The following ATP8B1 variants were observed in gnomAD, a reference collection of about 807,000 sequenced individuals.
ATP8B1 encodes ATPase phospholipid transporting 8B1.
ATP8B1 carries 80 observed loss-of-function variants against 149.9 expected under a neutral mutation model. The observed-to-expected ratio is 0.53, with a 90% CI of 0.45 to 0.64. ATP8B1 has a LOEUF of 0.64. ATP8B1 is among the 30% of genes least tolerant of loss of function. The probability of loss-of-function intolerance (pLI) is 0.00; values close to 1 mark genes in which losing one functional copy is unlikely to be tolerated. For synonymous variants in ATP8B1, 536 were observed against 562.8 expected, an observed-to-expected ratio of 0.95 and a Z score of 0.67; for missense variants, 1,247 against 1,552.6, an observed-to-expected ratio of 0.80 and a Z score of 3.31.
rs765641987 is a variant in ATP8B1, at chr18:57,688,410, T to C, written c.1318A>G (p.Thr440Ala). Reference protein sequence around the residue: ...KDTPAKARTTTLNEQLGQIHY... With the variant: ...KDTPAKARTTALNEQLGQIHY... ...ATCTGCCCGAGCTGTTCATTGAGTGTGGTGGTTCTAGCTTTTGCGGGTGTG... is the reference window on the plus strand; with the variant it reads ...ATCTGCCCGAGCTGTTCATTGAGTGCGGTGGTTCTAGCTTTTGCGGGTGTG... Residue 440 changes from threonine to alanine, a missense_variant, in exon 13 of 28, where the codon ACA (threonine) becomes GCA (alanine). Thr to Ala is a moderately conservative substitution (Grantham distance 58, BLOSUM62 0). This residue lies in a region of ATP8B1 where 853 missense variants were observed against 1,035.7 expected (regional missense o/e 0.82). Coordinates refer to ENST00000648908, the MANE Select transcript of ATP8B1 (RefSeq NM_001374385.1). 6.2e-7 allele frequency: 1 copy of C among 1,614,198 alleles called. No individual in the cohort carries two copies. Among genetic ancestry groups the C allele is most frequent in the Admixed American group, 1.7e-5 (1 of 60,020 alleles).
At chr18:57,663,920 C>G (rs948322969) in intron 20 of ATP8B1, among the ~76,000 whole-genome samples, 1 of 151,666 alleles carries the variant, frequency 6.6e-6, no homozygotes, top group African/African-American at 2.4e-5. Flanking sequence ...ACGGGCACCA[C>G]CATGCCCAGC....
At chr18:57,682,251 G>A (rs1049474879) in intron 15 of ATP8B1, among the ~76,000 whole-genome samples, 6 of 152,058 alleles carry the variant, frequency 3.9e-5, no homozygotes, top group Admixed American at 2.0e-4. Flanking sequence ...TGATCTGCCC[G>A]CCTCGGCCTC....
chr18:57,721,337 G>A (rs1178627362), intron 2 of ATP8B1, among the ~76,000 whole-genome samples: 7 of 149,318 alleles, frequency 4.7e-5, no homozygotes, highest in Middle Eastern at 3.4e-3. Context: ...TCAGTGTGCT[G>A]TATTCAGGAA....
intron 13 of ATP8B1, among the ~76,000 whole-genome samples, chr18:57,686,984 T>C (rs1380753584): frequency 6.6e-6 from 1 of 152,166 alleles, no homozygotes; most frequent in Non-Finnish European, 1.5e-5. Flanking sequence ...GCTGGAACTA[T>C]AGGCATGCAG....
chr18:57,691,544 A>G (rs1912529962), intron 12 of ATP8B1, among the ~76,000 whole-genome samples: 1 of 152,148 alleles, frequency 6.6e-6, no homozygotes, highest in Admixed American at 6.6e-5. Context: ...CTAATAAGAC[A>G]ATGACTACAG....
intron 1 of ATP8B1, among the ~76,000 whole-genome samples, chr18:57,800,678 C>A (rs2080565170): frequency 6.6e-6 from 1 of 152,172 alleles, no homozygotes; most frequent in African/African-American, 2.4e-5. Context: ...TGATTTAATT[C>A]TTTCAACAAT....
chr18:57,798,839 C>A (rs186796621), intron 1 of ATP8B1, among the ~76,000 whole-genome samples: 2 of 151,478 alleles, frequency 1.3e-5, no homozygotes, highest in Middle Eastern at 3.4e-3. Context: ...CAGTGTAGAT[C>A]GGAGACTTAG....
At chr18:57,667,442 C>T (rs1218134897) in intron 19 of ATP8B1, 2 of 437,478 alleles carry the variant, frequency 4.6e-6, no homozygotes, top group East Asian at 4.6e-5. Flanking sequence ...TTGCCAGGCT[C>T]ATTCTTACTG....
intron 1 of ATP8B1, among the ~76,000 whole-genome samples, chr18:57,770,186 A>G (rs946947211): frequency 7.3e-5 from 11 of 151,014 alleles, no homozygotes; most frequent in African/African-American, 2.7e-4. Context: ...CTCCTGCCTC[A>G]GCCTCCTGAG....
intron 1 of ATP8B1, among the ~76,000 whole-genome samples, chr18:57,737,391 T>C (rs984375050): frequency 6.6e-6 from 1 of 152,082 alleles, no homozygotes; most frequent in Non-Finnish European, 1.5e-5. Flanking sequence ...AACCACTGTT[T>C]GTTTCCTGAG....
rs55728527 is a variant in ATP8B1 at position 57,706,659 on chromosome 18, C to T, written c.182-72G>A. The T allele has an allele frequency of 0.083, 104,046 of 1,259,012 alleles. 4,934 individuals are homozygous for T. The highest frequency in any genetic ancestry group is 0.11 in the Middle Eastern group (451 of 4,026). 78.0% of individuals were successfully genotyped at this position (1,259,012 alleles called of 1,614,324 possible). A position where few individuals can be genotyped will look rare whatever the true frequency, so the allele number is the denominator to read the frequency against. The stretch of plus-strand genomic sequence containing the variant: ...TGTTATGAGTTGAATTGTGTCTTCC[C>T]CAGATTCAAATGTTGAAGTCCTAAA... On this transcript the variant is annotated intron_variant, in intron 2 of 27. Coordinates refer to ENST00000648908, the MANE Select transcript of ATP8B1 (RefSeq NM_001374385.1).
chr18:57,717,300 C>T (rs533887802), intron 2 of ATP8B1, among the ~76,000 whole-genome samples: 3 of 152,052 alleles, frequency 2.0e-5, no homozygotes, highest in Admixed American at 2.0e-4. Context: ...AATCCCAACA[C>T]TTTGGGAGGC....
intron 1 of ATP8B1, among the ~76,000 whole-genome samples, chr18:57,748,869 A>G (rs921646984): frequency 6.6e-6 from 1 of 152,234 alleles, no homozygotes; most frequent in Admixed American, 6.5e-5. Context: ...AATAATCAGA[A>G]GGAACTGCAA....
chr18:57,701,665 T>G (rs540208660), intron 4 of ATP8B1, among the ~76,000 whole-genome samples: 1 of 151,794 alleles, frequency 6.6e-6, no homozygotes, highest in Non-Finnish European at 1.5e-5. Context: ...GGGGTAGGAG[T>G]GGCAAGGGAG....
At chr18:57,661,058 G>GCT in intron 22 of ATP8B1, 116 bp downstream of exon 22, 1 of 1,359,534 alleles carries the variant, frequency 7.4e-7, no homozygotes, top group Non-Finnish European at 1.0e-6. Context: ...TGAAACATCT[G>GCT]CTCTATGAAA....
rs761625705 is a variant in ATP8B1, at chr18:57,661,306, C to T, written c.2575G>A (p.Glu859Lys). The change falls in exon 22 of 28, where the codon GAG (glutamate) becomes AAG (lysine). Residue 859 changes from glutamate (E) to lysine (K), a missense_variant. Physicochemically the swap from Glu to Lys is moderately conservative, Grantham distance 56 (BLOSUM62 1). Around this residue, in one of 3 missense-constraint regions of ATP8B1, gnomAD observed 230 missense variants for 356.6 expected, o/e 0.65. Transcript: ENST00000648908. Reference protein sequence around the residue: ...RQKNFVDLACECSAVICCRVT... With the variant: ...RQKNFVDLACKCSAVICCRVT... ...CGGCAGCAGATGACTGCGCTGCACT[C>T]GCAGGCCAGGTCCACAAAGTTTTTC... 6.8e-6 allele frequency: 11 copies of T among 1,613,824 alleles called. No homozygotes were observed. The highest frequency in any genetic ancestry group is 2.2e-5 in the East Asian group (1 of 44,836).
chr18:57,704,234 C>T (rs931539906), intron 4 of ATP8B1, among the ~76,000 whole-genome samples: 1 of 152,196 alleles, frequency 6.6e-6, no homozygotes, highest in African/African-American at 2.4e-5. Context: ...TCCCAAAGTG[C>T]TGGGATTATA....
chr18:57,672,097 C>A (rs1405689563), intron 16 of ATP8B1, among the ~76,000 whole-genome samples: 1 of 152,078 alleles, frequency 6.6e-6, no homozygotes, highest in African/African-American at 2.4e-5. Context: ...AAAAAGATTC[C>A]TTCACAGTCA....
At chr18:57,732,155 A>ATATATGTATATATATG (rs1356269230) in intron 1 of ATP8B1, 2 of 43,650 alleles carry the variant, frequency 4.6e-5, no homozygotes, top group African/African-American at 8.3e-5. Flanking sequence ...GTATATATGT[A>ATATATGTATATATATG]TATATATGTA....
Sources: allele counts gnomAD v4.1 joint callset (sites outside exome capture counted in the v4.1 genomes callset), GRCh38; gene constraint gnomAD v4.1.1; regional missense constraint gnomAD v4.1.1; transcripts MANE v1.5; gene names NCBI Gene and HGNC (gene_info 2026-07-23, HGNC 2026-07-21).